The following ROBO2 variants were observed in gnomAD, a reference collection of about 807,000 sequenced individuals.
ROBO2 encodes roundabout homolog 2.
A neutral mutation model predicts 160.8 loss-of-function variants in ROBO2; 53 were observed. That is an observed-to-expected ratio of 0.33 (90% CI 0.26 to 0.41). ROBO2 has a LOEUF of 0.41. Ranked by LOEUF, ROBO2 falls within the 10% of genes least tolerant of loss-of-function variation. ROBO2 has a pLI of 1.00. For missense variants in ROBO2, 1,577 were observed against 1,722.4 expected, an observed-to-expected ratio of 0.92 and a Z score of 1.49; for synonymous variants, 664 against 611.7, an observed-to-expected ratio of 1.09 and a Z score of -1.26.
intron 2 of ROBO2, among the ~76,000 whole-genome samples, chr3:76,381,921 T>C (rs1003080348): frequency 6.6e-6 from 1 of 152,182 alleles, no homozygotes; most frequent in African/African-American, 2.4e-5. Context: ...TCTATGTCTC[T>C]AATTCATGTA....
intron 2 of ROBO2, among the ~76,000 whole-genome samples, chr3:76,342,149 C>CT (rs2074265862): frequency 6.6e-6 from 1 of 152,120 alleles, no homozygotes; most frequent in African/African-American, 2.4e-5. Context: ...GTGATTCTGC[C>CT]TGTGAGATCC....
At chr3:77,197,687 T>G (rs143485887) in intron 2 of ROBO2, among the ~76,000 whole-genome samples, 100 of 152,278 alleles carry the variant, frequency 6.6e-4, no homozygotes, top group South Asian at 2.9e-3. Flanking sequence ...AGAATAAAGG[T>G]CTCTAAAGAT....
At chr3:76,032,361 T>G (rs1375979767) in intron 2 of ROBO2, among the ~76,000 whole-genome samples, 1 of 152,312 alleles carries the variant, frequency 6.6e-6, no homozygotes, top group Non-Finnish European at 1.5e-5. Flanking sequence ...TCTCCTTCAG[T>G]TCTGCTCTGA....
At chr3:76,801,228 G>A (rs1392177853) in intron 2 of ROBO2, among the ~76,000 whole-genome samples, 1 of 152,188 alleles carries the variant, frequency 6.6e-6, no homozygotes. Flanking sequence ...TGCAGATAGA[G>A]AGTAGAGTAG....
intron 2 of ROBO2, among the ~76,000 whole-genome samples, chr3:75,986,473 A>G (rs946729462): frequency 2.7e-5 from 4 of 149,298 alleles, no homozygotes; most frequent in African/African-American, 9.8e-5. Flanking sequence ...TCATTTGCAA[A>G]TTTTTTTTTC....
chr3:77,647,051 A>T (rs952564734), exon 26 of ROBO2: 1 of 152,550 alleles, frequency 6.6e-6, no homozygotes, highest in African/African-American at 2.4e-5. Context: ...GAACAAAATG[A>T]ACTCTAGAAT....
intron 2 of ROBO2, among the ~76,000 whole-genome samples, chr3:76,395,574 G>T (rs565159137): frequency 1.3e-5 from 2 of 150,888 alleles, no homozygotes; most frequent in Non-Finnish European, 2.9e-5. Flanking sequence ...TAGACCGCTA[G>T]CAAGACTAAT....
At chr3:76,381,976 A>G (rs1037357090) in intron 2 of ROBO2, among the ~76,000 whole-genome samples, 1 of 151,426 alleles carries the variant, frequency 6.6e-6, no homozygotes, top group Non-Finnish European at 1.5e-5. Flanking sequence ...TTTGTTTTCT[A>G]TTGTTTTGTT....
At chr3:76,669,955 A>G (rs2092199848) in intron 2 of ROBO2, among the ~76,000 whole-genome samples, 1 of 152,114 alleles carries the variant, frequency 6.6e-6, no homozygotes, top group African/African-American at 2.4e-5. Context: ...TAATTTCTCA[A>G]ATGTGCTTCT....
At chr3:77,269,425 G>A (rs934917246) in intron 2 of ROBO2, among the ~76,000 whole-genome samples, 3 of 151,992 alleles carry the variant, frequency 2.0e-5, no homozygotes, top group Admixed American at 1.3e-4. Flanking sequence ...AATCCTTTAG[G>A]CTTTGGTACC....
At chr3:77,621,749 G>A (rs2094905081) in intron 22 of ROBO2, among the ~76,000 whole-genome samples, 1 of 152,046 alleles carries the variant, frequency 6.6e-6, no homozygotes, top group South Asian at 2.1e-4. Context: ...TTCTAGGGTG[G>A]GAAATGTGTT....
chr3:77,393,586 A>G (rs1447363687), intron 2 of ROBO2, among the ~76,000 whole-genome samples: 3 of 148,704 alleles, frequency 2.0e-5, no homozygotes, highest in Admixed American at 6.8e-5. Context: ...TATAATATAT[A>G]GTAATATATA....
chr3:77,221,121 G>A (rs984484890), intron 2 of ROBO2, among the ~76,000 whole-genome samples: 1 of 152,208 alleles, frequency 6.6e-6, no homozygotes. Context: ...ACCCACATAG[G>A]CCTGGTGTAC....
chr3:76,843,674 A>G (rs1443782380), intron 2 of ROBO2, among the ~76,000 whole-genome samples: 1 of 152,068 alleles, frequency 6.6e-6, no homozygotes, highest in Non-Finnish European at 1.5e-5. Flanking sequence ...TAGAATGGAT[A>G]TCACCTGGTG....
chr3:76,691,889 T>A (rs1411328275), intron 2 of ROBO2, among the ~76,000 whole-genome samples: 1 of 152,130 alleles, frequency 6.6e-6, no homozygotes, highest in Non-Finnish European at 1.5e-5. Flanking sequence ...CAAATTCTAG[T>A]GACGAACAAT....
rs191841379 is a variant in ROBO2 at position 76,065,203 on chromosome 3, G to T, written c.109+127601G>T. 4.9e-4 allele frequency among the ~76,000 whole-genome samples: 75 copies of T among 152,046 alleles called. 1 individual carries two copies. The highest frequency in any genetic ancestry group is 3.4e-3 in the Middle Eastern group (1 of 294). On this transcript the variant is annotated intron_variant, in intron 2 of 26. Transcript: ENST00000487694. ...ATCTCTCCGTTGTCAGAGTTAACTA[G>T]ATTTCCTCCCAAAAATGCTTTAAAC...
intron 2 of ROBO2, among the ~76,000 whole-genome samples, chr3:76,992,593 G>A (rs1303859488): frequency 6.6e-6 from 1 of 151,388 alleles, no homozygotes; most frequent in East Asian, 1.9e-4. Flanking sequence ...TCATGGGAGA[G>A]AATTATATGA....
At chr3:77,002,800 A>G (rs948558986) in intron 2 of ROBO2, among the ~76,000 whole-genome samples, 3 of 152,256 alleles carry the variant, frequency 2.0e-5, no homozygotes, top group South Asian at 2.1e-4. Context: ...TGGCACACCC[A>G]TGAAAGTCAG....
chr3:77,503,220 T>TA (rs1281319957), intron 5 of ROBO2, among the ~76,000 whole-genome samples: 11 of 151,252 alleles, frequency 7.3e-5, no homozygotes, highest in Non-Finnish European at 1.3e-4. Flanking sequence ...AAATATAAAT[T>TA]AAAAAAATAA....
Sources: allele counts gnomAD v4.1 joint callset (sites outside exome capture counted in the v4.1 genomes callset), GRCh38; gene constraint gnomAD v4.1.1; transcripts MANE v1.5; gene names NCBI Gene and HGNC (gene_info 2026-07-23, HGNC 2026-07-21).